The following MAML2 variants were observed in gnomAD, a reference collection of about 807,000 sequenced individuals.
MAML2 encodes the protein mastermind like transcriptional coactivator 2, also known as mastermind-like protein 2.
Under a neutral mutation model 96.1 loss-of-function variants are expected in MAML2, and 22 were observed. The ratio of observed to expected loss-of-function variants is 0.23; its 90% CI spans 0.16 to 0.33. MAML2 has a LOEUF of 0.33. Ranked by LOEUF, MAML2 falls within the 10% of genes least tolerant of loss-of-function variation. The pLI is 1.00. For missense variants in MAML2, 1,367 were observed against 1,392.4 expected, an observed-to-expected ratio of 0.98 and a Z score of 0.29; for synonymous variants, 561 against 521.3, an observed-to-expected ratio of 1.08 and a Z score of -1.04.
intron 2 of MAML2, among the ~76,000 whole-genome samples, chr11:96,020,950 C>A (rs1368053905): frequency 1.3e-5 from 2 of 152,142 alleles, no homozygotes; most frequent in East Asian, 1.9e-4. Context: ...AGAGTAGGGA[C>A]AACTATGCTA....
intron 1 of MAML2, among the ~76,000 whole-genome samples, chr11:96,114,128 A>C (rs960793060): frequency 6.6e-6 from 1 of 152,162 alleles, no homozygotes; most frequent in South Asian, 2.1e-4. Context: ...TACATTGCCT[A>C]GGCTGGTCTT....
chr11:96,275,302 G>C (rs541626269), intron 1 of MAML2, among the ~76,000 whole-genome samples: 1 of 113,980 alleles, frequency 8.8e-6, no homozygotes, highest in African/African-American at 3.6e-5. Context: ...TTTTGAGACA[G>C]AGTCTCGCTC....
At chr11:96,275,752 A>T (rs1369699460) in intron 1 of MAML2, among the ~76,000 whole-genome samples, 1 of 152,182 alleles carries the variant, frequency 6.6e-6, no homozygotes, top group Non-Finnish European at 1.5e-5. Context: ...CACATATAAA[A>T]ATATTTCCTT....
intron 2 of MAML2, among the ~76,000 whole-genome samples, chr11:95,993,374 C>A (rs925076358): frequency 2.6e-5 from 4 of 152,086 alleles, no homozygotes; most frequent in African/African-American, 9.7e-5. Context: ...TTGAGACCAG[C>A]CTGGCCAACA....
intron 2 of MAML2, among the ~76,000 whole-genome samples, chr11:96,027,159 C>T (rs1399294391): frequency 1.3e-5 from 2 of 152,170 alleles, no homozygotes; most frequent in African/African-American, 4.8e-5. Flanking sequence ...AGATAGCTCT[C>T]AACAAGCAAT....
intron 2 of MAML2, among the ~76,000 whole-genome samples, chr11:96,041,448 C>A (rs1858807668): frequency 6.6e-6 from 1 of 150,416 alleles, no homozygotes; most frequent in African/African-American, 2.5e-5. Context: ...TTACAGTGAG[C>A]CAGCCTGGGC....
chr11:96,015,636 A>T (rs1858338128), intron 2 of MAML2, among the ~76,000 whole-genome samples: 1 of 151,260 alleles, frequency 6.6e-6, no homozygotes, highest in Non-Finnish European at 1.5e-5. Flanking sequence ...ATGTGTACCA[A>T]AATGTGTAGA....
intron 1 of MAML2, among the ~76,000 whole-genome samples, chr11:96,238,518 A>G (rs2135959100): frequency 6.6e-6 from 1 of 152,336 alleles, no homozygotes; most frequent in Non-Finnish European, 1.5e-5. Context: ...CATGATTGCT[A>G]TGGTTTTCAC....
At chr11:96,294,026 T>C (rs951081928) in intron 1 of MAML2, among the ~76,000 whole-genome samples, 1 of 152,238 alleles carries the variant, frequency 6.6e-6, no homozygotes, top group African/African-American at 2.4e-5. Flanking sequence ...ACAGAAATTA[T>C]TCTGGAGAGA....
rs559203619 is a variant in MAML2 at position 96,257,589 on chromosome 11, T to C, written c.513+83794A>G. Among the ~76,000 whole-genome samples the C allele has an allele frequency of 5.9e-5, 9 of 152,206 alleles. No individual in the cohort carries two copies. In the South Asian group the frequency reaches 6.2e-4, roughly 10 times the overall value. ...GTCCACAGTCTAACAGTCTTCATTA[T>C]AGAGAAAAACCGAAAAAGAGCCCTT... On this transcript the variant is annotated intron_variant, in intron 1 of 4. Coordinates refer to ENST00000524717, the MANE Select transcript of MAML2 (RefSeq NM_032427.4).
intron 1 of MAML2, among the ~76,000 whole-genome samples, chr11:96,223,997 G>A (rs1862177292): frequency 6.6e-6 from 1 of 152,080 alleles, no homozygotes; most frequent in Admixed American, 6.6e-5. Context: ...TTATGCATAA[G>A]GGAAAAGAGA....
intron 1 of MAML2, among the ~76,000 whole-genome samples, chr11:96,312,716 G>A (rs1301906851): frequency 1.3e-5 from 2 of 152,128 alleles, no homozygotes; most frequent in African/African-American, 4.8e-5. Context: ...ATTTGTAAGT[G>A]TACAAGTCTG....
At chr11:96,014,467 G>A (rs970662366) in intron 2 of MAML2, among the ~76,000 whole-genome samples, 10 of 152,186 alleles carry the variant, frequency 6.6e-5, no homozygotes, top group Admixed American at 6.5e-5. Flanking sequence ...AACTAACATC[G>A]GTGAACTCTG....
At chr11:96,304,230 A>AC (rs2136000283) in intron 1 of MAML2, among the ~76,000 whole-genome samples, 1 of 152,122 alleles carries the variant, frequency 6.6e-6, no homozygotes, top group African/African-American at 2.4e-5. Flanking sequence ...TCACTCTCTC[A>AC]CCCCTTAGAA....
At chr11:96,233,348 A>G (rs1862322639) in intron 1 of MAML2, among the ~76,000 whole-genome samples, 1 of 32,998 alleles carries the variant, frequency 3.0e-5, no homozygotes, top group Non-Finnish European at 5.8e-5. Context: ...AAAATGCAAC[A>G]TTTATGTCAG....
chr11:96,061,787 CTTCTT>C (rs1405051377), intron 2 of MAML2, among the ~76,000 whole-genome samples: 1 of 151,950 alleles, frequency 6.6e-6, no homozygotes, highest in Non-Finnish European at 1.5e-5. Flanking sequence ...TTCTTCCCTT[CTTCTT>C]TTCCTTTTTT....
rs1210716061 is a variant in MAML2, at chr11:96,342,821, T to C, written c.-926A>G. 6.2e-6 allele frequency: 2 copies of C among 320,252 alleles called. No homozygotes were observed. Among genetic ancestry groups the C allele is most frequent in the African/African-American group, 4.2e-5 (2 of 47,428 alleles). The allele number at this position is 320,252 out of a possible 1,614,324, so 19.8% of individuals were successfully genotyped here. A position where few individuals can be genotyped will look rare whatever the true frequency, so the allele number is the denominator to read the frequency against. ...TTTTTTTCTTTCCCGCTTACGTTTC[T>C]ATTCCTCACCCCCGGCTCTATTCTA... On this transcript the variant is annotated 5_prime_UTR_variant, in exon 1 of 5. The change creates a new upstream start codon in the 5' untranslated region. Coordinates refer to ENST00000524717, the MANE Select transcript of MAML2 (RefSeq NM_032427.4).
chr11:96,031,628 G>A lies in MAML2; in HGVS notation c.2140-39905C>T, dbSNP rs144337142. 2.6e-4 allele frequency among the ~76,000 whole-genome samples: 39 copies of A among 152,260 alleles called. No homozygotes were observed. The East Asian group carries it at 4.6e-3, about 18-fold the overall frequency. ...GCTTTTTTTTGCATGCCCCCAGTGC[G>A]TAGCATGCTTGGGGTACAGACAAAA... On this transcript the variant is annotated intron_variant, in intron 2 of 4. Coordinates refer to ENST00000524717, the MANE Select transcript of MAML2 (RefSeq NM_032427.4).
chr11:96,109,229 C>A (rs1295301182), intron 1 of MAML2, among the ~76,000 whole-genome samples: 1 of 152,064 alleles, frequency 6.6e-6, no homozygotes, highest in Non-Finnish European at 1.5e-5. Context: ...GAGAGTCAAG[C>A]AGGCCTGGGA....
Sources: allele counts gnomAD v4.1 joint callset (sites outside exome capture counted in the v4.1 genomes callset), GRCh38; gene constraint gnomAD v4.1.1; transcripts MANE v1.5; gene names NCBI Gene and HGNC (gene_info 2026-07-23, HGNC 2026-07-21).